FMNL2: variants seen among roughly 807,000 people sequenced by gnomAD.
FMNL2 encodes formin-like protein 2.
FMNL2 carries 51 observed loss-of-function variants against 130.2 expected under a neutral mutation model. That is an observed-to-expected ratio of 0.39 (90% CI 0.31 to 0.49). FMNL2 has a LOEUF of 0.49. Among genes scored for constraint, FMNL2 ranks in the 20% least tolerant of loss-of-function variants. The pLI is 0.85. For missense variants in FMNL2, 977 were observed against 1,316.2 expected, an observed-to-expected ratio of 0.74 and a Z score of 3.99; for synonymous variants, 465 against 467.1, an observed-to-expected ratio of 1.00 and a Z score of 0.06.
At chr2:152,405,166 C>T (rs752786922) in intron 1 of FMNL2, among the ~76,000 whole-genome samples, 9 of 152,088 alleles carry the variant, frequency 5.9e-5, no homozygotes, top group East Asian at 5.8e-4. Flanking sequence ...CTTGTATGGA[C>T]GCTGGGGTTC....
chr2:152,637,929 G>C (rs1682762286), intron 23 of FMNL2, among the ~76,000 whole-genome samples: 1 of 152,254 alleles, frequency 6.6e-6, no homozygotes, highest in Non-Finnish European at 1.5e-5. Flanking sequence ...GATGCTCAAA[G>C]ACATTGCTGC....
intron 1 of FMNL2, among the ~76,000 whole-genome samples, chr2:152,409,065 G>A (rs1686149112): frequency 6.6e-6 from 1 of 152,276 alleles, no homozygotes; most frequent in East Asian, 1.9e-4. Flanking sequence ...TTCTTCTCAG[G>A]CTTTTAAAGT....
intron 21 of FMNL2, among the ~76,000 whole-genome samples, chr2:152,633,956 T>C (rs1682368426): frequency 6.6e-6 from 1 of 152,206 alleles, no homozygotes; most frequent in Non-Finnish European, 1.5e-5. Flanking sequence ...CACTCCTTCA[T>C]TTATCCAGTG....
At chr2:152,350,090 T>C (rs547762299) in intron 1 of FMNL2, among the ~76,000 whole-genome samples, 1 of 152,194 alleles carries the variant, frequency 6.6e-6, no homozygotes, top group African/African-American at 2.4e-5. Flanking sequence ...GAAAGTGCCA[T>C]GAGGAGAATA....
At chr2:152,601,091 A>G (rs1361952068) in intron 9 of FMNL2, among the ~76,000 whole-genome samples, 1 of 152,122 alleles carries the variant, frequency 6.6e-6, no homozygotes, top group African/African-American at 2.4e-5. Flanking sequence ...TCCCCTCAAA[A>G]GCAATCTTAT....
At chr2:152,500,089 A>G (rs373724785) in intron 1 of FMNL2, among the ~76,000 whole-genome samples, 7 of 152,308 alleles carry the variant, frequency 4.6e-5, no homozygotes, top group African/African-American at 1.4e-4. Context: ...ATGAAAGCAG[A>G]ACAGTGAATT....
In FMNL2 at chr2:152,588,994, C is replaced by A. The variant is rs566684014; in HGVS notation, c.876+7945C>A. The stretch of plus-strand genomic sequence containing the variant: ...TTCAGAAATCTTACCATTCATATTT[C>A]TCATTCCTTGGGCTCCTTTCTCCAC... On this transcript the variant is annotated intron_variant, in intron 9 of 25. Transcript: ENST00000288670. Among the ~76,000 whole-genome samples the A allele has an allele frequency of 2.0e-5, 3 of 151,934 alleles. No individual in the cohort carries two copies. The East Asian group carries it at 5.8e-4, about 29-fold the overall frequency.
At chr2:152,631,978 T>A in intron 20 of FMNL2, 30 bp from the exon 21 acceptor site, 1 of 1,603,042 alleles carries the variant, frequency 6.2e-7, no homozygotes, top group South Asian at 1.1e-5. Context: ...TTTACTCTTG[T>A]ACCTAACCCA....
chr2:152,617,086 TAC>T lies in FMNL2; in HGVS notation c.1213-3_1213-2del, dbSNP rs762230624. ...TGTGACAGCTTTCTTTTCAAAATTT[TAC>T]AGTTATCTGAAAAACTGCAAGACAC... On this transcript the variant is annotated splice_region_variant and splice_polypyrimidine_tract_variant and intron_variant, in intron 12 of 25. Coordinates refer to ENST00000288670, the MANE Select transcript of FMNL2 (RefSeq NM_052905.4). 3.1e-6 allele frequency: 5 copies of T among 1,613,622 alleles called. No individual in the cohort carries two copies. In the East Asian group the frequency reaches 6.7e-5, roughly 22 times the overall value.
At position 152,599,405 on chromosome 2, in the gene FMNL2, CTTTTTTTTTTTTTTTT is replaced by C. The variant is rs35753197; in HGVS notation, c.877-7917_877-7902del. Among the ~76,000 whole-genome samples the C allele has an allele frequency of 1.6e-4, 7 of 45,086 alleles. No homozygotes were observed. The Admixed American group carries it at 1.6e-3, about 11-fold the overall frequency. 29.6% of individuals were successfully genotyped at this position (45,086 alleles called of 152,430 possible). A position where few individuals can be genotyped will look rare whatever the true frequency, so the allele number is the denominator to read the frequency against. On this transcript the variant is annotated intron_variant, in intron 9 of 25. Transcript: ENST00000288670. ...CTCTCTAGAATTTATTGAAGGTCAT[CTTTTTTTTTTTTTTTT>C]TTTTTTTTTTTTTTTTAGAGAGGTA...
At chr2:152,521,555 A>G (rs1351722092) in intron 1 of FMNL2, among the ~76,000 whole-genome samples, 1 of 151,806 alleles carries the variant, frequency 6.6e-6, no homozygotes, top group African/African-American at 2.4e-5. Context: ...GATTCTGATC[A>G]TTGTGTTCTC....
intron 1 of FMNL2, among the ~76,000 whole-genome samples, chr2:152,501,080 C>T: frequency 6.6e-6 from 1 of 152,198 alleles, no homozygotes; most frequent in East Asian, 1.9e-4. Flanking sequence ...TGAAATCTTT[C>T]ACATTTTTCA....
intron 9 of FMNL2, among the ~76,000 whole-genome samples, chr2:152,593,838 GGAGA>G (rs147035875): frequency 0.16 from 13,451 of 83,222 alleles, 827 homozygotes; most frequent in Non-Finnish European, 0.23. Context: ...AGGTGACTAG[GGAGA>G]GAGAGAGAGA....
intron 1 of FMNL2, among the ~76,000 whole-genome samples, chr2:152,385,663 C>T (rs1219699630): frequency 6.6e-6 from 1 of 152,184 alleles, no homozygotes; most frequent in African/African-American, 2.4e-5. Flanking sequence ...AAGTTGCATT[C>T]AACTGATTTG....
At chr2:152,508,325 GAT>G (rs1410710176) in intron 1 of FMNL2, among the ~76,000 whole-genome samples, 2 of 152,064 alleles carry the variant, frequency 1.3e-5, no homozygotes, top group African/African-American at 4.8e-5. Context: ...GGAATCTCTT[GAT>G]CCTGTCACTT....
chr2:152,434,928 A>G (rs1336206772), intron 1 of FMNL2, among the ~76,000 whole-genome samples: 1 of 151,848 alleles, frequency 6.6e-6, no homozygotes, highest in African/African-American at 2.4e-5. Flanking sequence ...TTTGTTTTTC[A>G]CATCTAGAGT....
chr2:152,443,958 G>A (rs527603793), intron 1 of FMNL2, among the ~76,000 whole-genome samples: 29 of 152,280 alleles, frequency 1.9e-4, no homozygotes, highest in Admixed American at 1.7e-3. Flanking sequence ...ATGGAAGTCC[G>A]TCGTGCATTC....
rs556487749 is a variant in FMNL2 at position 152,520,281 on chromosome 2, A to G, written c.118-1662A>G. 1.4e-4 allele frequency among the ~76,000 whole-genome samples: 22 copies of G among 151,974 alleles called. No homozygotes were observed. The South Asian group carries it at 3.1e-3, about 22-fold the overall frequency. On this transcript the variant is annotated intron_variant, in intron 1 of 25. Transcript: ENST00000288670. ...CTCTTCAAAGTAATTGTCAGCTTTG[A>G]GGGGGGGTGATTAAAATATTAAATA... is the stretch of plus-strand genomic sequence containing the variant.
intron 1 of FMNL2, among the ~76,000 whole-genome samples, chr2:152,467,939 T>C (rs908974267): frequency 2.0e-5 from 3 of 152,246 alleles, no homozygotes; most frequent in Non-Finnish European, 4.4e-5. Flanking sequence ...TAGGAGGACC[T>C]GAAGCATGGA....
Sources: gnomAD v4.1 joint callset for allele counts (sites outside exome capture counted in the v4.1 genomes callset) on GRCh38, gnomAD v4.1.1 for gene constraint, MANE v1.5 for transcripts, NCBI Gene and HGNC (gene_info 2026-07-23, HGNC 2026-07-21) for gene names.